Variants in CCDC158 observed in about 807,000 individuals in gnomAD.
CCDC158 encodes the protein coiled-coil domain containing 158.
CCDC158 carries 116 observed loss-of-function variants against 138.6 expected under a neutral mutation model. The ratio of observed to expected loss-of-function variants is 0.84; its 90% confidence interval spans 0.72 to 0.98. The LOEUF is 0.98. Among genes scored for constraint, CCDC158 ranks in the 50% least tolerant of loss-of-function variants. The probability of loss-of-function intolerance (pLI) is 0.00; values close to 1 mark genes in which losing one functional copy is unlikely to be tolerated. For missense variants in CCDC158, 1,265 were observed against 1,306.1 expected, an observed-to-expected ratio of 0.97 and a Z score of 0.48; for synonymous variants, 436 against 442.4, an observed-to-expected ratio of 0.99 and a Z score of 0.18.
At chr4:76,398,453 G>A (rs970948635) in intron 3 of CCDC158, among the ~76,000 whole-genome samples, 5 of 152,212 alleles carry the variant, frequency 3.3e-5, no homozygotes, top group Non-Finnish European at 7.4e-5. Context: ...GACTGCCTGA[G>A]CTCAGGAGTT....
intron 18 of CCDC158, among the ~76,000 whole-genome samples, chr4:76,336,344 G>T (rs1336181287): frequency 2.0e-5 from 3 of 152,026 alleles, no homozygotes; most frequent in Non-Finnish European, 4.4e-5. Flanking sequence ...GCTCCACAGA[G>T]GCAAGGACTT....
intron 4 of CCDC158, among the ~76,000 whole-genome samples, chr4:76,389,808 A>G (rs781695010): frequency 6.6e-6 from 1 of 152,194 alleles, no homozygotes; most frequent in Non-Finnish European, 1.5e-5. Flanking sequence ...GTGGCATGAC[A>G]TATTTAAAGT....
chr4:76,405,355 G>A (rs1728732450), intron 2 of CCDC158, among the ~76,000 whole-genome samples: 2 of 152,184 alleles, frequency 1.3e-5, no homozygotes, highest in Non-Finnish European at 2.9e-5. Flanking sequence ...ACACTGTGCC[G>A]TGTGCCTCTG....
intron 24 of CCDC158, among the ~76,000 whole-genome samples, chr4:76,314,552 T>C (rs957828598): frequency 1.3e-5 from 2 of 152,170 alleles, no homozygotes; most frequent in African/African-American, 4.8e-5. Context: ...GGTAAAAAAC[T>C]GTGAGTTCCC....
At chr4:76,403,301 A>G in intron 2 of CCDC158, 21 bp from the exon 3 acceptor site, 1 of 788,746 alleles carries the variant, frequency 1.3e-6, no homozygotes. Flanking sequence ...CAGAGATTCA[A>G]TCTTTATTAA....
intron 9 of CCDC158, chr4:76,375,854 CA>C (rs1482777124): frequency 1.7e-5 from 8 of 469,368 alleles, no homozygotes; most frequent in African/African-American, 1.6e-4. Context: ...TATTAACTTC[CA>C]AAACAAGTTT....
intron 4 of CCDC158, among the ~76,000 whole-genome samples, chr4:76,395,953 C>T (rs2109831213): frequency 6.6e-6 from 1 of 152,138 alleles, no homozygotes; most frequent in Admixed American, 6.5e-5. Flanking sequence ...CAGGTCTATG[C>T]CAATTATTAA....
chr4:76,367,142 C>T lies in CCDC158; in HGVS notation c.1830+152G>A, dbSNP rs547704781. On this transcript the variant is annotated intron_variant, in intron 12 of 24. Transcript: ENST00000682701. ...CTATAATCTGATAAAAGTATTTATC[C>T]TTTCTCACAAAAACACACATATACA... 6.2e-6 allele frequency: 5 copies of T among 808,246 alleles called. No homozygotes were observed. In the Admixed American group the frequency reaches 1.1e-4, roughly 18 times the overall value. The allele number at this position is 808,246 out of a possible 1,614,324, so 50.1% of individuals were successfully genotyped here.
At chr4:76,371,631 G>A (rs1725250227) in intron 9 of CCDC158, 95 bp from the exon 10 acceptor site, 1 of 1,464,128 alleles carries the variant, frequency 6.8e-7, no homozygotes, top group Non-Finnish European at 9.3e-7. Context: ...ATTATTTTGA[G>A]AACAAAAATA....
At chr4:76,343,310 A>G (rs935401749) in intron 18 of CCDC158, among the ~76,000 whole-genome samples, 1 of 152,120 alleles carries the variant, frequency 6.6e-6, no homozygotes, top group South Asian at 2.1e-4. Flanking sequence ...GCATTACCTA[A>G]CCATCTACCA....
At chr4:76,326,445 A>C (rs1720539579) in intron 22 of CCDC158, among the ~76,000 whole-genome samples, 1 of 152,208 alleles carries the variant, frequency 6.6e-6, no homozygotes, top group South Asian at 2.1e-4. Context: ...AAGAAGAAAA[A>C]AATATAAATA....
intron 23 of CCDC158, among the ~76,000 whole-genome samples, chr4:76,324,823 G>A (rs1720377101): frequency 6.6e-6 from 1 of 152,098 alleles, no homozygotes; most frequent in Admixed American, 6.6e-5. Context: ...TCCTTTCTGA[G>A]GCAAGTATAC....
chr4:76,319,504 A>G (rs1390032642), intron 24 of CCDC158, among the ~76,000 whole-genome samples: 1 of 112,460 alleles, frequency 8.9e-6, no homozygotes, highest in Non-Finnish European at 1.8e-5. Flanking sequence ...ATATATATAT[A>G]TATATGTCCA....
chr4:76,365,599 G>A (rs930844343), intron 12 of CCDC158, among the ~76,000 whole-genome samples: 3 of 152,088 alleles, frequency 2.0e-5, no homozygotes, highest in African/African-American at 7.2e-5. Context: ...GGCTTGGAAT[G>A]CCATCCTTCC....
rs776634466 is a variant in CCDC158, at chr4:76,323,312, C to T, written c.3267G>A (p.Leu1089=). The T allele has an allele frequency of 1.2e-6, 2 of 1,610,342 alleles. No homozygotes were observed. Among genetic ancestry groups the T allele is most frequent in the South Asian group, 2.2e-5 (2 of 90,286 alleles). Residue 1089 remains leucine, a synonymous_variant, in exon 24 of 25, where the codon CTG becomes CTA. Transcript: ENST00000682701. ...SLQTLVEDLQ[L]KNQAMSSMIR... is the part of the protein sequence containing the mutation. ...AAACGTACACTGTACCTTGGTTCTT[C>T]AGCTGTAAATCTTCTACCAGAGTTT...
intron 1 of CCDC158, among the ~76,000 whole-genome samples, chr4:76,420,706 C>G (rs1196029413): frequency 1.3e-5 from 2 of 152,232 alleles, no homozygotes; most frequent in African/African-American, 4.8e-5. Context: ...CTCTTCCCCA[C>G]AAATCAAATC....
intron 4 of CCDC158, among the ~76,000 whole-genome samples, chr4:76,388,886 G>A (rs1483864515): frequency 6.6e-6 from 1 of 152,092 alleles, no homozygotes; most frequent in East Asian, 1.9e-4. Flanking sequence ...AATTCTTCCA[G>A]ATCTTATCCA....
chr4:76,393,525 A>C (rs369777036), intron 4 of CCDC158, among the ~76,000 whole-genome samples: 178 of 152,292 alleles, frequency 1.2e-3, no homozygotes, highest in African/African-American at 4.2e-3. Flanking sequence ...CAAACTATGA[A>C]ACTCTATGAG....
At chr4:76,404,275 C>G (rs1728642273) in intron 2 of CCDC158, among the ~76,000 whole-genome samples, 1 of 152,092 alleles carries the variant, frequency 6.6e-6, no homozygotes, top group South Asian at 2.1e-4. Flanking sequence ...AAGTAGGACC[C>G]TTGTCCACAA....
Sources: gnomAD v4.1 joint callset for allele counts (sites outside exome capture counted in the v4.1 genomes callset) on GRCh38, gnomAD v4.1.1 for gene constraint, MANE v1.5 for transcripts, NCBI Gene and HGNC (gene_info 2026-07-23, HGNC 2026-07-21) for gene names.